Variants in KIDINS220 observed in about 807,000 individuals in gnomAD.
The protein encoded by KIDINS220 is kinase D-interacting substrate of 220 kDa.
Under a neutral mutation model 157.6 loss-of-function variants are expected in KIDINS220, and 63 were observed. That is an observed-to-expected ratio of 0.40 (90% CI 0.33 to 0.49). The LOEUF (loss-of-function observed/expected upper bound fraction) is 0.49, where lower values mean the gene tolerates loss of function less well. Ranked by LOEUF, KIDINS220 falls within the 20% of genes least tolerant of loss-of-function variation. KIDINS220 has a pLI of 0.66. For missense variants in KIDINS220, 1,772 were observed against 2,171.2 expected, an observed-to-expected ratio of 0.82 and a Z score of 3.65; for synonymous variants, 732 against 783.6, an observed-to-expected ratio of 0.93 and a Z score of 1.10.
chr2:8,783,081 C>T (rs1442856612), intron 17 of KIDINS220, among the ~76,000 whole-genome samples: 1 of 151,940 alleles, frequency 6.6e-6, no homozygotes, highest in African/African-American at 2.4e-5. Context: ...CCTGTAATCT[C>T]ACCTACTTGG....
chr2:8,785,780 G>A lies in KIDINS220; in HGVS notation c.2190C>T (p.Ala730=). The A allele has an allele frequency of 6.2e-7, 1 of 1,613,408 alleles. No homozygotes were observed. The highest frequency in any genetic ancestry group is 8.5e-7 in the Non-Finnish European group (1 of 1,179,884). The change falls in exon 17 of 30, where the codon GCC becomes GCT. Residue 730 remains alanine, a synonymous_variant. Transcript: ENST00000256707. ...NSQRKRLHNA[A]SKLHKLKSEG... is the part of the protein sequence containing the mutation. ...CACTTTTCAATTTGTGCAGTTTGGA[G>A]GCTGCATTATGGAGGCGTTTTCTTT...
downstream of KIDINS220, chr2:8,726,806 C>G: frequency 1.7e-6 from 1 of 578,332 alleles, no homozygotes; most frequent in Non-Finnish European, 2.9e-6. Flanking sequence ...CCCACTGTCA[C>G]AGATGTGGTC....
chr2:8,821,056 G>A (rs1572801462), intron 2 of KIDINS220, among the ~76,000 whole-genome samples: 2 of 151,990 alleles, frequency 1.3e-5, no homozygotes, highest in East Asian at 3.8e-4. Context: ...TTCTGTTTAC[G>A]CTCTGGGTCA....
chr2:8,806,514 A>C (rs1572734459), intron 6 of KIDINS220, 145 bp from the exon 7 acceptor site: 2 of 553,114 alleles, frequency 3.6e-6, no homozygotes, highest in East Asian at 3.1e-5. Context: ...TCTTAGATAA[A>C]TCCTATTTCT....
chr2:8,755,520 T>G (rs572169993), intron 22 of KIDINS220, among the ~76,000 whole-genome samples: 144 of 152,350 alleles, frequency 9.5e-4, no homozygotes, highest in African/African-American at 3.4e-3. Context: ...AAACTACACA[T>G]GCACACAAAG....
At chr2:8,771,841 T>A (rs530096169) in intron 21 of KIDINS220, among the ~76,000 whole-genome samples, 1 of 152,238 alleles carries the variant, frequency 6.6e-6, no homozygotes, top group African/African-American at 2.4e-5. Flanking sequence ...GAAGGTGAGA[T>A]GTGAGCATTG....
chr2:8,802,810 A>G, intron 8 of KIDINS220, 120 bp downstream of exon 8: 2 of 731,922 alleles, frequency 2.7e-6, no homozygotes, highest in Non-Finnish European at 4.4e-6. Flanking sequence ...CAAAGGCAGA[A>G]ATAAACTTAT....
intron 26 of KIDINS220, among the ~76,000 whole-genome samples, chr2:8,739,013 A>G (rs1665266769): frequency 1.3e-5 from 2 of 152,238 alleles, no homozygotes; most frequent in African/African-American, 4.8e-5. Flanking sequence ...AGTATAATAG[A>G]CACGGATCAA....
At chr2:8,825,590 T>A (rs1050621469) in intron 2 of KIDINS220, among the ~76,000 whole-genome samples, 6 of 152,110 alleles carry the variant, frequency 3.9e-5, no homozygotes, top group African/African-American at 1.4e-4. Flanking sequence ...TATATATACA[T>A]ACACATACAC....
At chr2:8,744,706 G>C (rs904310061) in intron 26 of KIDINS220, among the ~76,000 whole-genome samples, 18 of 151,708 alleles carry the variant, frequency 1.2e-4, no homozygotes, top group African/African-American at 4.4e-4. Flanking sequence ...TGTTGGTCCA[G>C]CTACAAAGTT....
At position 8,730,553 on chromosome 2, in the gene KIDINS220, T is replaced by C; in HGVS notation, c.*167A>G. The C allele has an allele frequency of 7.0e-7, 1 of 1,432,362 alleles. No individual in the cohort carries two copies. The highest frequency in any genetic ancestry group is 2.5e-4 in the Middle Eastern group (1 of 4,054). 88.7% of individuals were successfully genotyped at this position (1,432,362 alleles called of 1,614,324 possible). A position where few individuals can be genotyped will look rare whatever the true frequency, so the allele number is the denominator to read the frequency against. ...GAGGCTGGCTGGTGAGCCATGCTTC[T>C]CATGCTCCCTTCTGTCACACTGCAG... On this transcript the variant is annotated 3_prime_UTR_variant, in exon 30 of 30. Transcript: ENST00000256707.
intron 26 of KIDINS220, among the ~76,000 whole-genome samples, chr2:8,744,373 AAAAAAAAAAAAAAAAATATATATATAT>A (rs1558326910): frequency 0.011 from 28 of 2,438 alleles, 1 homozygote; most frequent in African/African-American, 0.033. Context: ...CAAAAAAAAA[AAAAAAAAAAAAAAAAATATATATATAT>A]AATATATATA....
chr2:8,726,913 A>T (rs1004648959), downstream of KIDINS220: 16 of 1,288,994 alleles, frequency 1.2e-5, no homozygotes, highest in Non-Finnish European at 1.6e-5. Flanking sequence ...TCCTCTGAAG[A>T]GCTATCTATC....
downstream of KIDINS220, among the ~76,000 whole-genome samples, chr2:8,726,100 G>A (rs904127769): frequency 6.6e-6 from 1 of 152,170 alleles, no homozygotes; most frequent in Non-Finnish European, 1.5e-5. Flanking sequence ...CTCCAGATAG[G>A]TTTTTATTGA....
chr2:8,755,485 T>C (rs1452549108), intron 22 of KIDINS220, among the ~76,000 whole-genome samples: 1 of 152,240 alleles, frequency 6.6e-6, no homozygotes, highest in African/African-American at 2.4e-5. Flanking sequence ...AACACTGTTG[T>C]CCAATAAATA....
intron 9 of KIDINS220, 31 bp downstream of exon 9, chr2:8,800,369 A>C: frequency 7.2e-7 from 1 of 1,386,176 alleles, no homozygotes; most frequent in Non-Finnish European, 1.0e-6. Context: ...ATTATACTCT[A>C]AGATAGCAAC....
intron 21 of KIDINS220, among the ~76,000 whole-genome samples, chr2:8,775,781 A>G (rs1670882628): frequency 6.6e-6 from 1 of 152,100 alleles, no homozygotes. Flanking sequence ...GGGAGCAACA[A>G]TCTGTGTGTT....
chr2:8,790,573 A>G (rs1673047580), intron 13 of KIDINS220, among the ~76,000 whole-genome samples: 2 of 152,228 alleles, frequency 1.3e-5, no homozygotes, highest in African/African-American at 4.8e-5. Flanking sequence ...TCTTTGTACA[A>G]AACTTGGGGA....
At chr2:8,722,205 T>G (rs145894447), downstream of KIDINS220, 7 of 152,352 alleles carry the variant, frequency 4.6e-5, no homozygotes, top group African/African-American at 1.7e-4. Flanking sequence ...TTTTATTGAC[T>G]GCAAGACATA....
Sources: allele counts gnomAD v4.1 joint callset (sites outside exome capture counted in the v4.1 genomes callset), GRCh38; gene constraint gnomAD v4.1.1; transcripts MANE v1.5; gene names NCBI Gene and HGNC (gene_info 2026-07-23, HGNC 2026-07-21).